Variants in TLK1 observed in about 807,000 individuals in gnomAD.
TLK1 encodes the protein serine/threonine-protein kinase tousled-like 1.
TLK1 carries 24 observed loss-of-function variants against 105.3 expected under a neutral mutation model. That is an observed-to-expected ratio of 0.23 (90% CI 0.17 to 0.32). The LOEUF (loss-of-function observed/expected upper bound fraction) is 0.32, where lower values mean the gene tolerates loss of function less well. TLK1 is among the 10% of genes least tolerant of loss of function. The pLI, the probability that TLK1 is intolerant of heterozygous loss-of-function variation, is 1.00. For synonymous variants in TLK1, 321 were observed against 310.4 expected, an observed-to-expected ratio of 1.03 and a Z score of -0.36; for missense variants, 558 against 910.5, an observed-to-expected ratio of 0.61 and a Z score of 4.98.
chr2:171,072,929 G>GAAAA (rs11387073), intron 3 of TLK1, among the ~76,000 whole-genome samples: 1 of 123,534 alleles, frequency 8.1e-6, no homozygotes, highest in African/African-American at 3.1e-5. Context: ...ACTCTGTCTC[G>GAAAA]AAAAAAAAAA....
intron 3 of TLK1, among the ~76,000 whole-genome samples, chr2:171,070,425 C>T (rs1264370250): frequency 6.6e-6 from 1 of 152,056 alleles, no homozygotes; most frequent in African/African-American, 2.4e-5. Context: ...TCCCCACCAC[C>T]ACCACTCTTC....
chr2:171,214,098 C>T (rs143615125), intron 1 of TLK1, among the ~76,000 whole-genome samples: 47 of 151,240 alleles, frequency 3.1e-4, no homozygotes, highest in African/African-American at 9.2e-4. Flanking sequence ...TTCAGCTACT[C>T]GGGAGGCTGA....
chr2:171,016,429 C>T (rs1279703804), intron 12 of TLK1, among the ~76,000 whole-genome samples: 4 of 152,098 alleles, frequency 2.6e-5, no homozygotes, highest in African/African-American at 4.8e-5. Context: ...CCACCATGCC[C>T]GGCTTAGAAT....
intron 1 of TLK1, among the ~76,000 whole-genome samples, chr2:171,221,015 G>A (rs28695385): frequency 0.026 from 4,002 of 152,202 alleles, 108 homozygotes; most frequent in Admixed American, 0.074. Context: ...GTGAGTCCCT[G>A]TCTCTACAAA....
intron 2 of TLK1, among the ~76,000 whole-genome samples, chr2:171,107,016 G>A (rs1201277986): frequency 2.0e-5 from 3 of 152,136 alleles, no homozygotes; most frequent in African/African-American, 7.2e-5. Flanking sequence ...GCTATGTCTT[G>A]TCTCTTTAGC....
intron 1 of TLK1, among the ~76,000 whole-genome samples, chr2:171,120,477 A>G (rs1690610536): frequency 6.6e-6 from 1 of 152,200 alleles, no homozygotes; most frequent in South Asian, 2.1e-4. Flanking sequence ...AAAATGGGCA[A>G]AAGACTGGAA....
At chr2:171,127,414 T>A (rs2105549209) in intron 1 of TLK1, among the ~76,000 whole-genome samples, 1 of 152,334 alleles carries the variant, frequency 6.6e-6, no homozygotes, top group East Asian at 1.9e-4. Context: ...TTGACAATAT[T>A]TTGTACCATA....
At chr2:171,163,498 G>A (rs1366889887), upstream of TLK1, among the ~76,000 whole-genome samples, 3 of 152,216 alleles carry the variant, frequency 2.0e-5, no homozygotes, top group Non-Finnish European at 2.9e-5. Flanking sequence ...CAGGAAGGAA[G>A]TTAAGAGACC....
At chr2:171,195,309 C>T (rs1296736359) in intron 1 of TLK1, among the ~76,000 whole-genome samples, 11 of 151,932 alleles carry the variant, frequency 7.2e-5, no homozygotes, top group Admixed American at 6.6e-4. Flanking sequence ...TGAGACCATC[C>T]TGGCTAACAC....
intron 1 of TLK1, among the ~76,000 whole-genome samples, chr2:171,223,328 G>C (rs1467366347): frequency 6.6e-6 from 1 of 151,826 alleles, no homozygotes; most frequent in African/African-American, 2.4e-5. Flanking sequence ...TTGTCTTTTT[G>C]CTAAAAGCCA....
intron 2 of TLK1, among the ~76,000 whole-genome samples, chr2:171,109,339 C>T (rs1033980603): frequency 6.6e-6 from 1 of 152,106 alleles, no homozygotes; most frequent in African/African-American, 2.4e-5. Flanking sequence ...ATTAATAACC[C>T]TTGTGTTAAA....
chr2:171,172,989 A>G (rs1002301161), intron 1 of TLK1, among the ~76,000 whole-genome samples: 2 of 152,246 alleles, frequency 1.3e-5, no homozygotes, highest in African/African-American at 4.8e-5. Context: ...ACATACATAT[A>G]TTCCTATTTC....
In TLK1 at chr2:171,141,930, A is replaced by C. The variant is rs568737203; in HGVS notation, c.139+18360T>G. On this transcript the variant is annotated intron_variant, in intron 1 of 20. Coordinates refer to ENST00000431350, the MANE Select transcript of TLK1 (RefSeq NM_012290.5). ...AACAAATTTAAATGTATAATTACTGAATAAAACACTAATGGTAATATCTTG... is the reference window on the plus strand; with the variant it reads ...AACAAATTTAAATGTATAATTACTGCATAAAACACTAATGGTAATATCTTG... Among the ~76,000 whole-genome samples, 25 of 152,352 alleles carry C rather than the reference A, an allele frequency of 1.6e-4. No homozygotes were observed. In the South Asian group the frequency reaches 5.2e-3, roughly 32 times the overall value.
At chr2:171,108,718 C>G (rs549232459) in intron 2 of TLK1, among the ~76,000 whole-genome samples, 1 of 152,048 alleles carries the variant, frequency 6.6e-6, no homozygotes, top group South Asian at 2.1e-4. Context: ...ATCCTCCCAA[C>G]TCAGCCTCCC....
At chr2:171,067,482 T>C (rs889745000) in intron 3 of TLK1, among the ~76,000 whole-genome samples, 2 of 152,110 alleles carry the variant, frequency 1.3e-5, no homozygotes, top group African/African-American at 4.8e-5. Context: ...TTTTTAAAGA[T>C]AATGCCAAAT....
In TLK1 at chr2:171,190,408, T is replaced by C. The variant is rs565819353; in HGVS notation, c.-6+40737A>G. ...AGGACATTGATGACAAACTGTTAAA[T>C]GAGTGTCTTCAATTCAAGGAGGAGT... is the stretch of plus-strand genomic sequence containing the variant. On this transcript the variant is annotated intron_variant, in intron 1 of 20. Transcript: ENST00000521943. Among the ~76,000 whole-genome samples, 3 of 152,354 alleles carry C rather than the reference T, an allele frequency of 2.0e-5. No individual in the cohort carries two copies. The East Asian group carries it at 5.8e-4, about 29-fold the overall frequency.
chr2:171,049,473 A>G (rs1687128439), intron 10 of TLK1, among the ~76,000 whole-genome samples: 1 of 152,168 alleles, frequency 6.6e-6, no homozygotes, highest in African/African-American at 2.4e-5. Context: ...CTAAGTAGGA[A>G]AATCCTAGGA....
chr2:171,194,714 G>A (rs111720979), intron 1 of TLK1, among the ~76,000 whole-genome samples: 18,667 of 150,244 alleles, frequency 0.12, 1,873 homozygotes, highest in African/African-American at 0.28. Flanking sequence ...CTACTCCGGA[G>A]GCTGAGGCAG....
intron 12 of TLK1, among the ~76,000 whole-genome samples, chr2:171,020,462 C>T (rs1261476457): frequency 6.6e-6 from 1 of 151,676 alleles, no homozygotes; most frequent in Non-Finnish European, 1.5e-5. Flanking sequence ...ATCGCTTGAA[C>T]CCAGGAGTCG....
Sources: gnomAD v4.1 joint callset for allele counts (sites outside exome capture counted in the v4.1 genomes callset) on GRCh38, gnomAD v4.1.1 for gene constraint, MANE v1.5 for transcripts, NCBI Gene and HGNC (gene_info 2026-07-23, HGNC 2026-07-21) for gene names.